The following RELN variants were observed in gnomAD, a reference collection of about 807,000 sequenced individuals.
RELN encodes the protein reelin.
In RELN, 108 loss-of-function variants were observed where a neutral mutation model predicts 427.6. The observed-to-expected ratio is 0.25, with a 90% confidence interval of 0.22 to 0.30. The LOEUF is 0.30. RELN is among the 10% of genes least tolerant of loss of function. The pLI, the probability that RELN is intolerant of heterozygous loss-of-function variation, is 1.00. For missense variants in RELN, 3,715 were observed against 4,302.8 expected (o/e 0.86, Z 3.82); for synonymous variants, 1,524 against 1,513.4 (o/e 1.01, Z -0.16).
chr7:103,977,986 T>G (rs1796915849), intron 1 of RELN, among the ~76,000 whole-genome samples: 3 of 152,340 alleles, frequency 2.0e-5, no homozygotes, highest in East Asian at 3.9e-4. Flanking sequence ...CCTTAAATTC[T>G]GATTACAAAT....
chr7:103,607,170 ACC>A (rs1385574345), intron 22 of RELN, among the ~76,000 whole-genome samples: 9 of 151,862 alleles, frequency 5.9e-5, no homozygotes, highest in Non-Finnish European at 1.3e-4. Context: ...GGTGCAGCAC[ACC>A]AACATGGCAC....
chr7:103,666,798 C>A (rs544657160), intron 11 of RELN, among the ~76,000 whole-genome samples: 1 of 152,088 alleles, frequency 6.6e-6, no homozygotes, highest in Non-Finnish European at 1.5e-5. Context: ...AGTTTCCATT[C>A]TTCTGGGAGA....
intron 46 of RELN, among the ~76,000 whole-genome samples, chr7:103,526,634 G>A (rs1320295961): frequency 1.3e-5 from 2 of 152,214 alleles, no homozygotes; most frequent in Non-Finnish European, 2.9e-5. Flanking sequence ...AAAAATGAGA[G>A]TTTGGAAGTT....
intron 3 of RELN, among the ~76,000 whole-genome samples, chr7:103,792,536 C>T (rs1347298944): frequency 6.0e-5 from 3 of 50,052 alleles, no homozygotes; most frequent in Non-Finnish European, 9.6e-5. Context: ...AGCGACAGAA[C>T]ATAGATTAGT....
At chr7:103,604,304 C>T in intron 23 of RELN, 42 bp downstream of exon 23, 1 of 1,612,672 alleles carries the variant, frequency 6.2e-7, no homozygotes, top group South Asian at 1.1e-5. Flanking sequence ...AGCCACAAAT[C>T]TTGAGAAGCA....
chr7:103,785,004 G>A (rs1239041522), intron 3 of RELN, among the ~76,000 whole-genome samples: 2 of 152,106 alleles, frequency 1.3e-5, no homozygotes, highest in African/African-American at 4.8e-5. Flanking sequence ...AAGATGATTA[G>A]ATGATAATAA....
At chr7:103,942,173 T>C (rs1796128793) in intron 1 of RELN, among the ~76,000 whole-genome samples, 1 of 152,174 alleles carries the variant, frequency 6.6e-6, no homozygotes, top group Non-Finnish European at 1.5e-5. Flanking sequence ...TAAAATCTGC[T>C]AACTTAGCAA....
At chr7:103,750,962 T>C (rs634500) in intron 5 of RELN, among the ~76,000 whole-genome samples, 98,318 of 152,072 alleles carry the variant, frequency 0.65, 32,643 homozygotes, top group African/African-American at 0.81. Flanking sequence ...TTCATATTTC[T>C]GCTGAATAGA....
chr7:103,686,348 G>A (rs780833604), intron 10 of RELN, among the ~76,000 whole-genome samples: 7 of 152,220 alleles, frequency 4.6e-5, no homozygotes, highest in South Asian at 2.1e-4. Context: ...TACAAAGTGC[G>A]CTTTAAAAGG....
chr7:103,588,720 T>C (rs1446857234), intron 28 of RELN, among the ~76,000 whole-genome samples: 1 of 152,180 alleles, frequency 6.6e-6, no homozygotes, highest in Non-Finnish European at 1.5e-5. Context: ...ACAAACATTG[T>C]AGACCACAAC....
chr7:103,664,932 T>C (rs1429357499), intron 11 of RELN, among the ~76,000 whole-genome samples: 2 of 152,180 alleles, frequency 1.3e-5, no homozygotes, highest in Admixed American at 6.5e-5. Flanking sequence ...GTTGGATGTA[T>C]GGATGAGTTT....
chr7:103,723,515 AT>A (rs1790129262), intron 7 of RELN, among the ~76,000 whole-genome samples: 1 of 152,194 alleles, frequency 6.6e-6, no homozygotes. Flanking sequence ...CTCTCCACTC[AT>A]TCCACCATCT....
rs116661329 is a variant in RELN at position 103,829,844 on chromosome 7, C to T, written c.473+3693G>A. Among the ~76,000 whole-genome samples the T allele has an allele frequency of 2.3e-3, 347 of 152,012 alleles. 3 individuals are homozygous for T. The highest frequency in any genetic ancestry group is 0.017 in the Middle Eastern group (5 of 294). ...TTTAAATGCTTCCTAATTCTTACTA[C>T]GGGATTTTTAAAAAAGGATTTTAAA... On this transcript the variant is annotated intron_variant, in intron 3 of 64. Transcript: ENST00000428762.
At chr7:103,673,555 T>C (rs1287534421) in intron 11 of RELN, among the ~76,000 whole-genome samples, 1 of 152,170 alleles carries the variant, frequency 6.6e-6, no homozygotes, top group African/African-American at 2.4e-5. Flanking sequence ...TACTACTCTT[T>C]CTTGAATATC....
In RELN at chr7:103,472,512, A is replaced by C. The variant is rs1827889382; in HGVS notation, c.*300T>G. On this transcript the variant is annotated 3_prime_UTR_variant, in exon 65 of 65. Coordinates refer to ENST00000428762, the MANE Select transcript of RELN (RefSeq NM_005045.4). ...AAAATCTCTTAAATTTTTTGTGCTTAAATTTCATTTTTCTGTTAAACTGTT... is the reference window on the plus strand; with the variant it reads ...AAAATCTCTTAAATTTTTTGTGCTTCAATTTCATTTTTCTGTTAAACTGTT... The C allele has an allele frequency of 8.4e-6, 3 of 358,734 alleles. No individual in the cohort carries two copies. The Admixed American group carries it at 1.3e-4, about 16-fold the overall frequency. 22.2% of individuals were successfully genotyped at this position (358,734 alleles called of 1,614,324 possible). A position where few individuals can be genotyped will look rare whatever the true frequency, so the allele number is the denominator to read the frequency against.
chr7:103,563,107 A>G lies in RELN; in HGVS notation c.5211-1154T>C, dbSNP rs551335045. On this transcript the variant is annotated intron_variant, in intron 34 of 64. Transcript: ENST00000428762. This position sits in a 1 kb window ranked among gnomAD's most constrained non-coding sequence, Gnocchi z 4.1. Reference sequence around the variant, plus strand: ...AGAAAGCTCCCTCCAGTTCTCCCCAAATGAGTTAGGTAGTACCCTCCTGTG... The same window carrying G: ...AGAAAGCTCCCTCCAGTTCTCCCCAGATGAGTTAGGTAGTACCCTCCTGTG... Among the ~76,000 whole-genome samples the G allele has an allele frequency of 1.1e-4, 17 of 152,148 alleles. No homozygotes were observed. The highest frequency in any genetic ancestry group is 2.5e-4 in the Non-Finnish European group (17 of 67,994).
chr7:103,788,787 C>T (rs2116261481), intron 3 of RELN, among the ~76,000 whole-genome samples: 1 of 152,192 alleles, frequency 6.6e-6, no homozygotes, highest in Middle Eastern at 3.4e-3. Context: ...CAATGCTATC[C>T]CCATCAAGTT....
chr7:103,538,205 A>G (rs991954612), intron 45 of RELN, among the ~76,000 whole-genome samples: 1 of 152,224 alleles, frequency 6.6e-6, no homozygotes, highest in Non-Finnish European at 1.5e-5. Flanking sequence ...AATATTAAAA[A>G]TTGTGAATTC....
chr7:103,859,165 T>C (rs1410998856), intron 2 of RELN, among the ~76,000 whole-genome samples: 2 of 152,290 alleles, frequency 1.3e-5, no homozygotes, highest in South Asian at 2.1e-4. Flanking sequence ...AAGAAAAATA[T>C]GTATGTTTTG....
Sources: allele counts gnomAD v4.1 joint callset (sites outside exome capture counted in the v4.1 genomes callset), GRCh38; gene constraint gnomAD v4.1.1; non-coding constraint Gnocchi (gnomAD v3.1); transcripts MANE v1.5; gene names NCBI Gene and HGNC (gene_info 2026-07-23, HGNC 2026-07-21).